The following CSMD3 variants were observed in gnomAD, a reference collection of about 807,000 sequenced individuals.
CSMD3 encodes CUB and Sushi multiple domains 3.
Under a neutral mutation model 435.2 loss-of-function variants are expected in CSMD3, and 177 were observed. The observed-to-expected ratio is 0.41, with a 90% CI of 0.36 to 0.46. CSMD3 has a LOEUF of 0.46. Ranked by LOEUF, CSMD3 falls within the 20% of genes least tolerant of loss-of-function variation. The pLI is 0.34. For missense variants in CSMD3, 4,265 were observed against 4,504.6 expected (o/e 0.95, Z 1.52); for synonymous variants, 1,656 against 1,520.5 (o/e 1.09, Z -2.07).
At chr8:112,447,131 T>A (rs1408488945) in intron 32 of CSMD3, among the ~76,000 whole-genome samples, 2 of 152,214 alleles carry the variant, frequency 1.3e-5, no homozygotes, top group East Asian at 3.8e-4. Flanking sequence ...ATGTATTTTT[T>A]AGAAATTAAG....
At chr8:112,719,038 T>C (rs1301469750) in intron 13 of CSMD3, among the ~76,000 whole-genome samples, 1 of 152,136 alleles carries the variant, frequency 6.6e-6, no homozygotes, top group Non-Finnish European at 1.5e-5. Flanking sequence ...TATTCTGATA[T>C]AAGAACAAAT....
intron 10 of CSMD3, among the ~76,000 whole-genome samples, chr8:112,894,287 T>A (rs1037279628): frequency 6.6e-6 from 1 of 151,442 alleles, no homozygotes; most frequent in Non-Finnish European, 1.5e-5. Context: ...AAGTGGTAAA[T>A]GATGCAAGCT....
intron 4 of CSMD3, among the ~76,000 whole-genome samples, chr8:113,167,416 C>A (rs1197355385): frequency 4.6e-5 from 7 of 152,110 alleles, no homozygotes; most frequent in Admixed American, 6.6e-5. Flanking sequence ...AAATAACACA[C>A]TCAGGTAATA....
At chr8:112,360,733 C>G (rs183237671) in intron 38 of CSMD3, among the ~76,000 whole-genome samples, 2 of 151,954 alleles carry the variant, frequency 1.3e-5, no homozygotes, top group Non-Finnish European at 3.0e-5. Context: ...AACATATTCC[C>G]TTCAATTTTT....
intron 23 of CSMD3, among the ~76,000 whole-genome samples, chr8:112,576,423 A>G (rs1170249354): frequency 6.6e-6 from 1 of 152,136 alleles, no homozygotes; most frequent in Non-Finnish European, 1.5e-5. Flanking sequence ...TAAAAAAATA[A>G]CATAGTAAGA....
intron 22 of CSMD3, among the ~76,000 whole-genome samples, chr8:112,617,090 A>C (rs1833718134): frequency 6.6e-6 from 1 of 152,176 alleles, no homozygotes; most frequent in African/African-American, 2.4e-5. Flanking sequence ...GAAATGTTCA[A>C]GGTCATCAGG....
chr8:112,828,362 A>G (rs1014103723), intron 12 of CSMD3, among the ~76,000 whole-genome samples: 1 of 152,098 alleles, frequency 6.6e-6, no homozygotes, highest in African/African-American at 2.4e-5. Context: ...TGGGAGGTGA[A>G]TGCATCACAG....
rs542679191 is a variant in CSMD3, at chr8:112,360,495, T to C, written c.6137-7961A>G. On this transcript the variant is annotated intron_variant, in intron 38 of 70. Coordinates refer to ENST00000297405, the MANE Select transcript of CSMD3 (RefSeq NM_198123.2). ...ACTAGGTAAAAGCAATTTTGTAAGT[T>C]AAAACAAATTCTTATATGTATATAA... Among the ~76,000 whole-genome samples the C allele has an allele frequency of 4.6e-4, 70 of 152,058 alleles. 1 individual carries two copies. The highest frequency in any genetic ancestry group is 1.6e-3 in the African/African-American group (68 of 41,556).
At chr8:112,523,717 G>A (rs1480267071) in intron 27 of CSMD3, among the ~76,000 whole-genome samples, 1 of 151,998 alleles carries the variant, frequency 6.6e-6, no homozygotes, top group Non-Finnish European at 1.5e-5. Context: ...GGAGAATTTT[G>A]CCCTTGATTG....
chr8:112,551,241 C>T (rs542632537), intron 26 of CSMD3, among the ~76,000 whole-genome samples: 1 of 152,010 alleles, frequency 6.6e-6, no homozygotes, highest in South Asian at 2.1e-4. Flanking sequence ...GTTATAATGA[C>T]CCAATGAAAT....
chr8:112,408,279 T>A (rs1310288740), intron 34 of CSMD3, 39 bp downstream of exon 34: 2 of 1,202,926 alleles, frequency 1.7e-6, no homozygotes, highest in Admixed American at 3.4e-5. Context: ...GAAAATTATA[T>A]CATTCCTTAG....
chr8:113,156,721 C>CA (rs879443287), intron 4 of CSMD3, among the ~76,000 whole-genome samples: 14 of 127,150 alleles, frequency 1.1e-4, no homozygotes, highest in Non-Finnish European at 2.3e-4. Context: ...GGAAACATGG[C>CA]AAAATCTCAC....
chr8:113,182,552 AC>A (rs2092437040), intron 3 of CSMD3, among the ~76,000 whole-genome samples: 1 of 151,654 alleles, frequency 6.6e-6, no homozygotes, highest in East Asian at 1.9e-4. Flanking sequence ...AAACAAAAAA[AC>A]AACAAAAACA....
intron 9 of CSMD3, among the ~76,000 whole-genome samples, chr8:112,929,494 A>G (rs774503787): frequency 5.7e-4 from 86 of 152,212 alleles, no homozygotes; most frequent in Non-Finnish European, 9.6e-4. Flanking sequence ...AGACTAAGAG[A>G]TAAATACTTG....
rs535746280 is a variant in CSMD3 at position 112,389,012 on chromosome 8, G to A, written c.5934+1652C>T. Among the ~76,000 whole-genome samples, 24 of 152,146 alleles carry A rather than the reference G, an allele frequency of 1.6e-4. No homozygotes were observed. In the East Asian group the frequency reaches 4.7e-3, roughly 30 times the overall value. ...AAAATATTGGTGTCCTAGGATCTAA[G>A]GAGAAAAAAATAGTCTATTAGGAGT... is the stretch of plus-strand genomic sequence containing the variant. On this transcript the variant is annotated intron_variant, in intron 36 of 70. Coordinates refer to ENST00000297405, the MANE Select transcript of CSMD3 (RefSeq NM_198123.2).
chr8:112,287,011 A>T (rs2130631705), intron 58 of CSMD3, 53 bp downstream of exon 58: 1 of 1,404,082 alleles, frequency 7.1e-7, no homozygotes, highest in Non-Finnish European at 1.0e-6. Flanking sequence ...CTGGATTTAG[A>T]TACACACTAA....
In CSMD3 at chr8:113,314,606, A is replaced by G. The variant is rs781661806; in HGVS notation, c.366T>C (p.Tyr122=). ...AGTTTGTAGGATGAGGATGTCCATC[A>G]TATAATGATAAGTAGTCGTATTCTT... ...LEEEYDYLSL[Y]DGHPHPTNFR... The change falls in exon 2 of 71, where the codon TAT becomes TAC. Residue 122 remains tyrosine, a synonymous_variant. Transcript: ENST00000297405. 1.9e-6 allele frequency: 3 copies of G among 1,608,432 alleles called. No individual in the cohort carries two copies. The highest frequency in any genetic ancestry group is 2.6e-6 in the Non-Finnish European group (3 of 1,175,026).
Position 112,927,934 on chromosome 8 carries a change from A to C in CSMD3, c.1509-6183T>G, listed in dbSNP as rs1039496178. Among the ~76,000 whole-genome samples, 14 of 152,216 alleles carry C rather than the reference A, an allele frequency of 9.2e-5. No homozygotes were observed. The East Asian group carries it at 1.9e-3, about 21-fold the overall frequency. ...AATGCTTAAGGTCACTCACTACCTC[A>C]TTCAATATTTATGCCAACTACTGCC... is the stretch of plus-strand genomic sequence containing the variant. On this transcript the variant is annotated intron_variant, in intron 9 of 70. Coordinates refer to ENST00000297405, the MANE Select transcript of CSMD3 (RefSeq NM_198123.2).
intron 27 of CSMD3, 111 bp from the exon 28 acceptor site, chr8:112,517,336 T>C: frequency 1.4e-6 from 1 of 693,672 alleles, no homozygotes; most frequent in Non-Finnish European, 2.5e-6. Flanking sequence ...AATTTTTAAA[T>C]GCTATACAAT....
Sources: gnomAD v4.1 joint callset for allele counts (sites outside exome capture counted in the v4.1 genomes callset) on GRCh38, gnomAD v4.1.1 for gene constraint, MANE v1.5 for transcripts, NCBI Gene and HGNC (gene_info 2026-07-23, HGNC 2026-07-21) for gene names.